Variants in KCTD3 observed in about 807,000 individuals in gnomAD.
KCTD3 encodes potassium channel tetramerization domain containing 3.
A neutral mutation model predicts 85.8 loss-of-function variants in KCTD3; 41 were observed. That is an observed-to-expected ratio of 0.48 (90% CI 0.37 to 0.62). The LOEUF (loss-of-function observed/expected upper bound fraction) is 0.62. Among genes scored for constraint, KCTD3 ranks in the 20% least tolerant of loss-of-function variants. The pLI is 0.00. For synonymous variants in KCTD3, 338 were observed against 345.4 expected (o/e 0.98, Z 0.24); for missense variants, 724 against 989.9 (o/e 0.73, Z 3.60).
rs186103960 is a variant in KCTD3 at position 215,594,174 on chromosome 1, T to G, written c.818-1182T>G. On this transcript the variant is annotated intron_variant, in intron 9 of 17. Coordinates refer to ENST00000259154, the MANE Select transcript of KCTD3 (RefSeq NM_016121.5). ...CATGCCCGGCCGATTATAACATTTT[T>G]AAGCTCAAGTGATCATTGAAACATT... is the stretch of plus-strand genomic sequence containing the variant. 7.2e-5 allele frequency among the ~76,000 whole-genome samples: 11 copies of G among 152,324 alleles called. No individual in the cohort carries two copies. The East Asian group carries it at 2.1e-3, about 29-fold the overall frequency.
At chr1:215,591,708 A>T (rs1660232196) in intron 9 of KCTD3, among the ~76,000 whole-genome samples, 2 of 152,168 alleles carry the variant, frequency 1.3e-5, no homozygotes, top group African/African-American at 4.8e-5. Context: ...GTTAGGCCTT[A>T]GCCAAGGTCT....
rs144378155 is a variant in KCTD3, at chr1:215,620,727, C to G, written c.*109C>G. The G allele has an allele frequency of 9.0e-5, 63 of 703,840 alleles. No individual in the cohort carries two copies. The highest frequency in any genetic ancestry group is 1.4e-4 in the Non-Finnish European group (62 of 436,392). The allele number at this position is 703,840 out of a possible 1,614,324, so 43.6% of individuals were successfully genotyped here. ...TAAAACTTTACAAGATAAAATTGGA[C>G]TTCATTTAGTATCTTTTTAACAGAA... On this transcript the variant is annotated 3_prime_UTR_variant, in exon 18 of 18. Transcript: ENST00000259154.
Position 215,601,095 on chromosome 1 carries a change from G to A in KCTD3, c.934-772G>A, listed in dbSNP as rs566156998. 4.6e-5 allele frequency among the ~76,000 whole-genome samples: 7 copies of A among 150,856 alleles called. No individual in the cohort carries two copies. The East Asian group carries it at 7.8e-4, about 17-fold the overall frequency. On this transcript the variant is annotated intron_variant, in intron 10 of 17. Coordinates refer to ENST00000259154, the MANE Select transcript of KCTD3 (RefSeq NM_016121.5). ...CGGGATTACTGGCATGCGCCACTAC[G>A]CCCAGCTAATTTTGTATATTTAGTA...
intron 10 of KCTD3, among the ~76,000 whole-genome samples, chr1:215,598,092 A>G (rs1654679325): frequency 6.6e-6 from 1 of 152,110 alleles, no homozygotes; most frequent in Admixed American, 6.6e-5. Context: ...TTGTTTATAC[A>G]CACTTTCATA....
intron 8 of KCTD3, among the ~76,000 whole-genome samples, chr1:215,584,923 T>C (rs1024250549): frequency 6.6e-6 from 1 of 152,224 alleles, no homozygotes. Context: ...GAGTATACTT[T>C]ACTCAGTTGT....
chr1:215,587,654 T>C (rs1435911402), intron 9 of KCTD3, among the ~76,000 whole-genome samples: 2 of 152,238 alleles, frequency 1.3e-5, no homozygotes, highest in Admixed American at 1.3e-4. Context: ...CTGTGATACA[T>C]TGTTTTGATT....
Position 215,567,609 on chromosome 1 carries a change from T to A in KCTD3, c.-77T>A. 1 of 886,108 alleles carries A rather than the reference T, an allele frequency of 1.1e-6. No individual in the cohort carries two copies. Among genetic ancestry groups the A allele is most frequent in the Non-Finnish European group, 1.4e-6 (1 of 695,458 alleles). The allele number at this position is 886,108 out of a possible 1,614,324, so 54.9% of individuals were successfully genotyped here. A position where few individuals can be genotyped will look rare whatever the true frequency, so the allele number is the denominator to read the frequency against. On this transcript the variant is annotated 5_prime_UTR_variant, in exon 1 of 18. Coordinates refer to ENST00000259154, the MANE Select transcript of KCTD3 (RefSeq NM_016121.5). Reference sequence around the variant, plus strand: ...CCGCTGGCCCTGCAGCCGTCGCCGCTGCCTCGGGCTACAGCCCCGGGCTCG... The same window carrying A: ...CCGCTGGCCCTGCAGCCGTCGCCGCAGCCTCGGGCTACAGCCCCGGGCTCG...
chr1:215,574,033 A>G (rs1659473657), intron 2 of KCTD3, 40 bp from the exon 3 acceptor site: 1 of 1,468,874 alleles, frequency 6.8e-7, no homozygotes, highest in Non-Finnish European at 9.5e-7. Flanking sequence ...GTTTATACTC[A>G]GATTTTAAAA....
intron 8 of KCTD3, among the ~76,000 whole-genome samples, chr1:215,580,484 G>C (rs1659775421): frequency 6.6e-6 from 1 of 152,056 alleles, no homozygotes; most frequent in Non-Finnish European, 1.5e-5. Context: ...TCTAATATGT[G>C]AAACTTACAA....
chr1:215,614,363 G>A (rs1655352987), intron 15 of KCTD3, among the ~76,000 whole-genome samples: 1 of 152,132 alleles, frequency 6.6e-6, no homozygotes, highest in African/African-American at 2.4e-5. Context: ...TGTGAAAAAT[G>A]TCATTGGTAG....
intron 8 of KCTD3, among the ~76,000 whole-genome samples, chr1:215,582,303 A>T (rs193099398): frequency 6.6e-6 from 1 of 152,238 alleles, no homozygotes; most frequent in East Asian, 1.9e-4. Context: ...TTTCCTTAAG[A>T]CATATGTCTA....
rs1276322401 is a variant in KCTD3 at position 215,604,145 on chromosome 1, C to T, written c.1152C>T (p.Asn384=). 2 of 1,611,954 alleles carry T rather than the reference C, an allele frequency of 1.2e-6. No individual in the cohort carries two copies. The highest frequency in any genetic ancestry group is 4.5e-5 in the East Asian group (2 of 44,848). The change falls in exon 13 of 18, where the codon AAC becomes AAT. Residue 384 remains asparagine, a synonymous_variant. Coordinates refer to ENST00000259154, the MANE Select transcript of KCTD3 (RefSeq NM_016121.5). ...GACTTTATATAGGTGTCAGTGGTAA[C>T]TGGATCGAGATCGCCTATGGTACGA... The part of the protein sequence containing the change: ...YLTPKTSVSG[N]WIEIAYGTSS...
At chr1:215,572,683 G>C (rs907899512) in intron 1 of KCTD3, among the ~76,000 whole-genome samples, 1 of 152,214 alleles carries the variant, frequency 6.6e-6, no homozygotes, top group Admixed American at 6.5e-5. Flanking sequence ...ACAATAGATG[G>C]ATGATACAGT....
At chr1:215,596,083 G>C (rs1660406466) in intron 10 of KCTD3, among the ~76,000 whole-genome samples, 1 of 152,088 alleles carries the variant, frequency 6.6e-6, no homozygotes, top group Admixed American at 6.5e-5. Flanking sequence ...GCAAAGATGA[G>C]TACATTTGAA....
intron 7 of KCTD3, 44 bp from the exon 8 acceptor site, chr1:215,579,865 C>A (rs972458182): frequency 2.1e-5 from 30 of 1,426,556 alleles, no homozygotes; most frequent in Non-Finnish European, 2.9e-5. Flanking sequence ...ATTTGCCAAC[C>A]CCCGGTTTAG....
chr1:215,605,091 TA>T (rs1395899605), intron 13 of KCTD3, among the ~76,000 whole-genome samples: 7 of 152,208 alleles, frequency 4.6e-5, no homozygotes, highest in African/African-American at 1.4e-4. Flanking sequence ...GGTGTGTCAG[TA>T]AAGCTTGCTT....
At position 215,588,132 on chromosome 1, in the gene KCTD3, T is replaced by C. The variant is rs554395110; in HGVS notation, c.817+1447T>C. Among the ~76,000 whole-genome samples the C allele has an allele frequency of 3.9e-5, 6 of 152,276 alleles. No individual in the cohort carries two copies. In the East Asian group the frequency reaches 9.7e-4, roughly 25 times the overall value. On this transcript the variant is annotated intron_variant, in intron 9 of 17. Coordinates refer to ENST00000259154, the MANE Select transcript of KCTD3 (RefSeq NM_016121.5). Reference sequence around the variant, plus strand: ...ATAACAGGCTTACTTTGTTTATTTTTTGAGGATAGTTCTGCCAAACACCCA... The same window carrying C: ...ATAACAGGCTTACTTTGTTTATTTTCTGAGGATAGTTCTGCCAAACACCCA...
intron 10 of KCTD3, among the ~76,000 whole-genome samples, chr1:215,599,036 T>G (rs1654720998): frequency 6.6e-6 from 1 of 152,216 alleles, no homozygotes; most frequent in African/African-American, 2.4e-5. Context: ...AGTGACAGTT[T>G]GCCTGTCATT....
rs965539698 is a variant in KCTD3 at position 215,621,561 on chromosome 1, C to T, written c.*943C>T. On this transcript the variant is annotated 3_prime_UTR_variant, in exon 18 of 18. Coordinates refer to ENST00000259154, the MANE Select transcript of KCTD3 (RefSeq NM_016121.5). Reference sequence around the variant, plus strand: ...TTGAATGTATTTTGAATTGTAAGAGCAAAAGAACGTTTTTGTACAATTTTT... The same window carrying T: ...TTGAATGTATTTTGAATTGTAAGAGTAAAAGAACGTTTTTGTACAATTTTT... 1 of 152,344 alleles carries T rather than the reference C, an allele frequency of 6.6e-6. No homozygotes were observed. The highest frequency in any genetic ancestry group is 1.5e-5 in the Non-Finnish European group (1 of 67,988). 9.4% of individuals were successfully genotyped at this position (152,344 alleles called of 1,614,324 possible).
Sources: allele counts gnomAD v4.1 joint callset (sites outside exome capture counted in the v4.1 genomes callset), GRCh38; gene constraint gnomAD v4.1.1; transcripts MANE v1.5; gene names NCBI Gene and HGNC (gene_info 2026-07-23, HGNC 2026-07-21).